Variants in LCA5 observed in about 807,000 individuals in gnomAD.
LCA5 encodes the protein lebercilin LCA5, also known as lebercilin.
In LCA5, 37 loss-of-function variants were observed where a neutral mutation model predicts 53.0. The observed-to-expected ratio is 0.70, with a 90% CI of 0.54 to 0.92. LCA5 has a LOEUF of 0.92. Ranked by LOEUF, LCA5 falls within the 40% of genes least tolerant of loss-of-function variation. The pLI is 0.00. For synonymous variants in LCA5, 303 were observed against 282.9 expected (o/e 1.07, Z -0.71); for missense variants, 806 against 790.5 (o/e 1.02, Z -0.23).
chr6:79,499,023 T>A (rs1212979197), intron 3 of LCA5, among the ~76,000 whole-genome samples: 1 of 152,032 alleles, frequency 6.6e-6, no homozygotes, highest in East Asian at 1.9e-4. Context: ...TGTGTAAAAA[T>A]TGCATCACAA....
chr6:79,506,479 T>A (rs757392494), intron 3 of LCA5, among the ~76,000 whole-genome samples: 9 of 152,282 alleles, frequency 5.9e-5, no homozygotes, highest in Non-Finnish European at 1.2e-4. Flanking sequence ...GCATCCCTGA[T>A]CAGGAATACA....
chr6:79,497,676 AC>A (rs1259228728), intron 3 of LCA5, among the ~76,000 whole-genome samples: 1 of 152,150 alleles, frequency 6.6e-6, no homozygotes, highest in Non-Finnish European at 1.5e-5. Flanking sequence ...AACAGAAAGT[AC>A]TATAAAAGAT....
intron 3 of LCA5, among the ~76,000 whole-genome samples, chr6:79,504,905 A>C (rs985911713): frequency 1.3e-5 from 2 of 152,174 alleles, no homozygotes; most frequent in African/African-American, 2.4e-5. Flanking sequence ...AAATGTATTG[A>C]ACAATGTGTA....
At chr6:79,521,330 G>A (rs1766618724) in intron 1 of LCA5, among the ~76,000 whole-genome samples, 1 of 152,106 alleles carries the variant, frequency 6.6e-6, no homozygotes, top group African/African-American at 2.4e-5. Flanking sequence ...TACATACATG[G>A]TTGGTGGTAA....
chr6:79,489,087 C>A lies in LCA5; in HGVS notation c.1228G>T (p.Asp410Tyr). 6.2e-7 allele frequency: 1 copy of A among 1,613,122 alleles called. No homozygotes were observed. Among genetic ancestry groups the A allele is most frequent in the Non-Finnish European group, 8.5e-7 (1 of 1,179,750 alleles). Reference sequence around the variant, plus strand: ...TTAAACAAACTCTTTTTCTTACCATCCTCCAGCTTTTCAACCTCCTGTTTT... The same window carrying A: ...TTAAACAAACTCTTTTTCTTACCATACTCCAGCTTTTCAACCTCCTGTTTT... Reference protein sequence around the residue: ...VVKQEVEKLEDEWEREELDKK... With the variant: ...VVKQEVEKLEYEWEREELDKK... The change falls in exon 7 of 8, where the codon GAT (aspartate) becomes TAT (tyrosine). Residue 410 changes from aspartate (D) to tyrosine (Y), a missense_variant. Asp to Tyr is a radical substitution (Grantham distance 160, BLOSUM62 -3). Coordinates refer to ENST00000369846, the MANE Select transcript of LCA5 (RefSeq NM_001122769.3).
intron 1 of LCA5, among the ~76,000 whole-genome samples, chr6:79,535,271 T>C (rs541152595): frequency 2.6e-5 from 4 of 152,134 alleles, no homozygotes; most frequent in African/African-American, 7.2e-5. Context: ...AATAAGTTGG[T>C]TGGAAACCAA....
Position 79,486,847 on chromosome 6 carries a change from T to G in LCA5, c.*157A>C. The stretch of plus-strand genomic sequence containing the variant: ...CTTGGCAAACTATCTATGTGGTGTA[T>G]GTATGATCTACTTCTTTTTAACTGC... On this transcript the variant is annotated 3_prime_UTR_variant, in exon 8 of 8. Coordinates refer to ENST00000369846, the MANE Select transcript of LCA5 (RefSeq NM_001122769.3). The G allele has an allele frequency of 3.2e-6, 2 of 627,248 alleles. No individual in the cohort carries two copies. The highest frequency in any genetic ancestry group is 5.4e-6 in the Non-Finnish European group (2 of 372,252). 38.9% of individuals were successfully genotyped at this position (627,248 alleles called of 1,614,324 possible).
intron 1 of LCA5, among the ~76,000 whole-genome samples, chr6:79,534,609 C>T (rs1767055519): frequency 1.3e-5 from 2 of 152,026 alleles, no homozygotes; most frequent in Admixed American, 1.3e-4. Context: ...GCAGAGAAAG[C>T]TTAGTAAACT....
intron 1 of LCA5, among the ~76,000 whole-genome samples, chr6:79,524,558 G>A (rs1353341400): frequency 6.6e-6 from 1 of 151,922 alleles, no homozygotes; most frequent in East Asian, 1.9e-4. Context: ...TGTGACACAT[G>A]TTACAGTCAC....
At chr6:79,498,362 A>T (rs1770040220) in intron 3 of LCA5, among the ~76,000 whole-genome samples, 1 of 152,112 alleles carries the variant, frequency 6.6e-6, no homozygotes, top group Non-Finnish European at 1.5e-5. Flanking sequence ...TTCCATATAA[A>T]ATATTAATTT....
Position 79,537,427 on chromosome 6 carries a change from G to C in LCA5, c.-454C>G, listed in dbSNP as rs1309289743. ...CCAGGGTAACGGAGGCGGAGGCCTAGACTGCACTACGAAGAGACCGCAGCC... is the reference window on the plus strand; with the variant it reads ...CCAGGGTAACGGAGGCGGAGGCCTACACTGCACTACGAAGAGACCGCAGCC... On this transcript the variant is annotated 5_prime_UTR_variant, in exon 1 of 8. Transcript: ENST00000369846. The C allele has an allele frequency of 6.6e-6, 1 of 152,628 alleles. No homozygotes were observed. The highest frequency in any genetic ancestry group is 1.5e-5 in the Non-Finnish European group (1 of 68,388). The allele number at this position is 152,628 out of a possible 1,614,324, so 9.5% of individuals were successfully genotyped here.
intron 4 of LCA5, among the ~76,000 whole-genome samples, 174 bp downstream of exon 4, chr6:79,493,439 C>T (rs953390985): frequency 1.3e-5 from 2 of 152,008 alleles, no homozygotes; most frequent in African/African-American, 4.8e-5. Context: ...TTTAATTTCA[C>T]TTTGTTATAG....
Position 79,492,577 on chromosome 6 carries a change from T to C in LCA5, c.929A>G (p.Glu310Gly), listed in dbSNP as rs775535256. 1 of 1,553,352 alleles carries C rather than the reference T, an allele frequency of 6.4e-7. No homozygotes were observed. The highest frequency in any genetic ancestry group is 1.7e-5 in the Admixed American group (1 of 58,574). ...NRLPKSSPNK[E>G]KELALRKNAA... ...ATTTTTTCTTAATGCAAGTTCTTTC[T>C]CTTTATTTGGAGAGGACTTTGGCAG... Residue 310 changes from glutamate (E) to glycine (G), a missense_variant, in exon 5 of 8, where the codon GAG becomes GGG. Transcript: ENST00000369846.
chr6:79,538,116 T>C (rs1767214346), upstream of LCA5, among the ~76,000 whole-genome samples: 1 of 137,396 alleles, frequency 7.3e-6, no homozygotes, highest in South Asian at 2.4e-4. Context: ...ATTTTCTCTT[T>C]TAGAAATGGC....
Position 79,487,286 on chromosome 6 carries a change from CA to C in LCA5, c.1811del (p.Leu604Ter). On this transcript the variant is annotated frameshift_variant, in exon 8 of 8. Coordinates refer to ENST00000369846, the MANE Select transcript of LCA5 (RefSeq NM_001122769.3). LOFTEE classifies it high-confidence loss of function. ...CACTGGCACCAAATAACTGTTCCATCAAATTAGCTTTTTTCTCTTTTCTTGT... is the reference window on the plus strand; with the variant it reads ...CACTGGCACCAAATAACTGTTCCATCAATTAGCTTTTTTCTCTTTTCTTGT... The part of the protein sequence containing the change: ...LITRKEKKAN[L>X]MEQLFGASGS... The C allele has an allele frequency of 6.2e-7, 1 of 1,614,072 alleles. No homozygotes were observed. Among genetic ancestry groups the C allele is most frequent in the Middle Eastern group, 1.6e-4 (1 of 6,062 alleles).
intron 4 of LCA5, 132 bp from the exon 5 acceptor site, chr6:79,492,779 A>C: frequency 1.6e-6 from 1 of 610,742 alleles, no homozygotes; most frequent in Non-Finnish European, 3.0e-6. Context: ...TGTAACTACC[A>C]AACTATAGAA....
intron 1 of LCA5, among the ~76,000 whole-genome samples, chr6:79,531,745 T>G (rs1283492238): frequency 6.6e-6 from 1 of 152,166 alleles, no homozygotes; most frequent in African/African-American, 2.4e-5. Flanking sequence ...AAAAACTCTC[T>G]TTTCTTACTT....
At position 79,503,177 on chromosome 6, in the gene LCA5, C is replaced by T. The variant is rs1052239340; in HGVS notation, c.721-9427G>A. ...AATTATAGGCATGAGCTACTGCACC[C>T]GGCCATGACCTATCTGATTCTATGT... On this transcript the variant is annotated intron_variant, in intron 3 of 7. Coordinates refer to ENST00000369846, the MANE Select transcript of LCA5 (RefSeq NM_001122769.3). Among the ~76,000 whole-genome samples, 11 of 152,172 alleles carry T rather than the reference C, an allele frequency of 7.2e-5. No homozygotes were observed. In the East Asian group the frequency reaches 7.7e-4, roughly 11 times the overall value.
Position 79,519,103 on chromosome 6 carries a change from G to T in LCA5, c.-191-18C>A. On this transcript the variant is annotated intron_variant, in intron 1 of 7. Coordinates refer to ENST00000369846, the MANE Select transcript of LCA5 (RefSeq NM_001122769.3). ...TTTTTGCCCTGAAATTAAGGAAGGG[G>T]AAAGGAGACTTATCATACAGTCTCT... is the stretch of plus-strand genomic sequence containing the variant. 1 of 611,100 alleles carries T rather than the reference G, an allele frequency of 1.6e-6. No homozygotes were observed. Among genetic ancestry groups the T allele is most frequent in the East Asian group, 2.8e-5 (1 of 35,172 alleles). 37.9% of individuals were successfully genotyped at this position (611,100 alleles called of 1,614,324 possible). A position where few individuals can be genotyped will look rare whatever the true frequency, so the allele number is the denominator to read the frequency against.
Sources: gnomAD v4.1 joint callset for allele counts (sites outside exome capture counted in the v4.1 genomes callset) on GRCh38, gnomAD v4.1.1 for gene constraint, MANE v1.5 for transcripts, NCBI Gene and HGNC (gene_info 2026-07-23, HGNC 2026-07-21) for gene names.